MGRN1: variants seen among roughly 807,000 people sequenced by gnomAD.
MGRN1 encodes the protein E3 ubiquitin-protein ligase MGRN1.
In MGRN1, 29 loss-of-function variants were observed where a neutral mutation model predicts 69.2. The observed-to-expected ratio is 0.42, with a 90% CI of 0.31 to 0.57. The LOEUF is 0.57. MGRN1 is among the 20% of genes least tolerant of loss of function. The pLI is 0.15. For missense variants in MGRN1, 998 were observed against 796.2 expected (o/e 1.25, Z -3.05); for synonymous variants, 470 against 344.2 (o/e 1.37, Z -4.04).
At chr16:4,686,833 G>C (rs841224) in intron 16 of MGRN1, 11 of 985,970 alleles carry the variant, frequency 1.1e-5, no homozygotes, top group Non-Finnish European at 1.3e-5. Flanking sequence ...TGTTCCGGTC[G>C]TGGCTTTAAC....
At chr16:4,630,633 G>C (rs1013709587) in intron 1 of MGRN1, among the ~76,000 whole-genome samples, 1 of 151,816 alleles carries the variant, frequency 6.6e-6, no homozygotes, top group Non-Finnish European at 1.5e-5. Flanking sequence ...TTTTTTAGTA[G>C]AGACGGGGTT....
Position 4,657,778 on chromosome 16 carries a change from C to G in MGRN1, c.561+415C>G, listed in dbSNP as rs536542136. 3.3e-4 allele frequency among the ~76,000 whole-genome samples: 42 copies of G among 126,844 alleles called. No homozygotes were observed. The Middle Eastern group carries it at 0.019, about 58-fold the overall frequency. 83.2% of individuals were successfully genotyped at this position (126,844 alleles called of 152,430 possible). ...TTTTTTTTTTTTTGAGACAGTCTCG[C>G]TCTGTCGCCCAGGCTGCAGTGCAGT... is the stretch of plus-strand genomic sequence containing the variant. On this transcript the variant is annotated intron_variant, in intron 5 of 16. Coordinates refer to ENST00000262370, the MANE Select transcript of MGRN1 (RefSeq NM_015246.4).
chr16:4,633,336 C>T lies in MGRN1; in HGVS notation c.88+8288C>T, dbSNP rs189082300. On this transcript the variant is annotated intron_variant, in intron 1 of 16. Coordinates refer to ENST00000262370, the MANE Select transcript of MGRN1 (RefSeq NM_015246.4). ...ACCAGGAAGCAGAGCTTGCAGTGAG[C>T]TGAGATCACGCCACTGCATTCCAGC... Among the ~76,000 whole-genome samples, 498 of 151,560 alleles carry T rather than the reference C, an allele frequency of 3.3e-3. 2 individuals carry two copies. Among genetic ancestry groups the T allele is most frequent in the African/African-American group, 0.012 (484 of 41,296 alleles).
Position 4,689,081 on chromosome 16 carries a change from T to C in MGRN1, c.*173T>C, listed in dbSNP as rs921025275. ...AGCACAGTGAACTGTCCCTTCTGAG[T>C]CTCCCTTTTCTACAGTTGATATATT... is the stretch of plus-strand genomic sequence containing the variant. On this transcript the variant is annotated 3_prime_UTR_variant, in exon 17 of 17. Transcript: ENST00000262370. 2.4e-6 allele frequency: 2 copies of C among 819,336 alleles called. No homozygotes were observed. The highest frequency in any genetic ancestry group is 3.6e-6 in the Non-Finnish European group (2 of 556,754). 50.8% of individuals were successfully genotyped at this position (819,336 alleles called of 1,614,324 possible). A position where few individuals can be genotyped will look rare whatever the true frequency, so the allele number is the denominator to read the frequency against.
At chr16:4,668,750 A>T (rs1218853861) in intron 8 of MGRN1, among the ~76,000 whole-genome samples, 1 of 131,394 alleles carries the variant, frequency 7.6e-6, no homozygotes, top group Non-Finnish European at 1.7e-5. Flanking sequence ...TGATACACAC[A>T]CATATACCCA....
intron 9 of MGRN1, 44 bp from the exon 10 acceptor site, chr16:4,673,454 T>A: frequency 3.1e-6 from 5 of 1,599,186 alleles, no homozygotes; most frequent in Non-Finnish European, 4.3e-6. Context: ...AGCCGTACTC[T>A]GGCCTTTGGG....
intron 1 of MGRN1, chr16:4,634,852 G>A (rs1255768429): frequency 6.6e-6 from 1 of 152,288 alleles, no homozygotes; most frequent in Non-Finnish European, 1.5e-5. Flanking sequence ...GTGGTCTTGG[G>A]TATGTGGCCT....
At chr16:4,687,540 C>G in intron 16 of MGRN1, 1 of 978,130 alleles carries the variant, frequency 1.0e-6, no homozygotes, top group Non-Finnish European at 1.2e-6. Flanking sequence ...ACCCACCCAC[C>G]CACTCCAGCC....
chr16:4,678,988 T>G (rs1352962207), intron 11 of MGRN1, among the ~76,000 whole-genome samples: 1 of 152,232 alleles, frequency 6.6e-6, no homozygotes, highest in African/African-American at 2.4e-5. Flanking sequence ...TTTGGGTTTG[T>G]CTTTTAAAAT....
rs2078569584 is a variant in MGRN1, at chr16:4,657,348, A to T, written c.546A>T (p.Glu182Asp). ...SLPSFKIDFS[E>D]WKDDELNFDL... ...CCTCCTTCAAGATTGACTTCTCGGA[A>T]TGGAAGGATGACGAGGTAATGCTGG... Residue 182 changes from glutamate to aspartate, a missense_variant, in exon 5 of 17, where the codon GAA (glutamate) becomes GAT (aspartate). By Grantham distance (45) the Glu-to-Asp change is conservative. Coordinates refer to ENST00000262370, the MANE Select transcript of MGRN1 (RefSeq NM_015246.4). 1 of 1,613,842 alleles carries T rather than the reference A, an allele frequency of 6.2e-7. No homozygotes were observed. The highest frequency in any genetic ancestry group is 1.3e-5 in the African/African-American group (1 of 74,950).
chr16:4,664,681 T>C, intron 5 of MGRN1, 28 bp from the exon 6 acceptor site: 2 of 1,613,864 alleles, frequency 1.2e-6, no homozygotes, highest in South Asian at 2.2e-5. Context: ...GTGTGGGTCC[T>C]GACCATTCTT....
intron 1 of MGRN1, chr16:4,640,399 G>C (rs1447009224): frequency 2.0e-5 from 3 of 152,268 alleles, no homozygotes; most frequent in Non-Finnish European, 4.4e-5. Context: ...GGCCTCCCAC[G>C]GAAGGGATTT....
At chr16:4,683,342 C>G (rs1344375888) in intron 15 of MGRN1, 73 bp downstream of exon 15, 1 of 1,557,772 alleles carries the variant, frequency 6.4e-7, no homozygotes, top group African/African-American at 1.4e-5. Context: ...GGCCTTAGGG[C>G]TCCAGGTGGT....
intron 10 of MGRN1, among the ~76,000 whole-genome samples, chr16:4,675,462 C>G (rs938523779): frequency 6.6e-5 from 10 of 151,972 alleles, no homozygotes. Context: ...TAGCATAACG[C>G]TGGTTGCAGA....
At chr16:4,636,071 G>A (rs1306621976) in intron 1 of MGRN1, among the ~76,000 whole-genome samples, 1 of 152,012 alleles carries the variant, frequency 6.6e-6, no homozygotes, top group African/African-American at 2.4e-5. Context: ...GCAAGTGCTG[G>A]GATTACAGGC....
At chr16:4,682,437 G>T (rs2079207551) in intron 13 of MGRN1, among the ~76,000 whole-genome samples, 1 of 152,220 alleles carries the variant, frequency 6.6e-6, no homozygotes, top group South Asian at 2.1e-4. Context: ...GGAAGGCGCG[G>T]GTTCTGCAGG....
At chr16:4,626,013 G>A (rs1490027290) in intron 1 of MGRN1, among the ~76,000 whole-genome samples, 2 of 152,216 alleles carry the variant, frequency 1.3e-5, no homozygotes, top group African/African-American at 2.4e-5. Flanking sequence ...AAGTGGGGGA[G>A]GACTGCTAGA....
intron 12 of MGRN1, 182 bp downstream of exon 12, chr16:4,680,279 C>A: frequency 1.6e-6 from 1 of 620,770 alleles, no homozygotes; most frequent in Non-Finnish European, 2.7e-6. Context: ...GCTCTCGGTC[C>A]GTGGGCGAAA....
At chr16:4,684,665 C>G (rs1472073453) in intron 16 of MGRN1, among the ~76,000 whole-genome samples, 2 of 152,256 alleles carry the variant, frequency 1.3e-5, no homozygotes, top group Non-Finnish European at 2.9e-5. Context: ...CCTTCGTGCT[C>G]TGCTCTGCTG....
Sources: gnomAD v4.1 joint callset for allele counts (sites outside exome capture counted in the v4.1 genomes callset) on GRCh38, gnomAD v4.1.1 for gene constraint, MANE v1.5 for transcripts, NCBI Gene and HGNC (gene_info 2026-07-23, HGNC 2026-07-21) for gene names.